GALNT14: variants seen among roughly 807,000 people sequenced by gnomAD.
The protein encoded by GALNT14 is UDP-GalNAc:polypeptide N-acetylgalactosaminyltransferase 14.
Under a neutral mutation model 77.5 loss-of-function variants are expected in GALNT14, and 60 were observed. That is an observed-to-expected ratio of 0.77 (90% CI 0.63 to 0.96). The LOEUF (loss-of-function observed/expected upper bound fraction) is 0.96, where lower values mean the gene tolerates loss of function less well. Ranked by LOEUF, GALNT14 falls within the 40% of genes least tolerant of loss-of-function variation. The probability of loss-of-function intolerance (pLI) is 0.00; values close to 1 mark genes in which losing one functional copy is unlikely to be tolerated. For missense variants in GALNT14, 710 were observed against 731.0 expected, an observed-to-expected ratio of 0.97 and a Z score of 0.33; for synonymous variants, 280 against 281.7, an observed-to-expected ratio of 0.99 and a Z score of 0.06.
chr2:31,087,297 T>A (rs778371563), intron 1 of GALNT14, among the ~76,000 whole-genome samples: 4 of 152,148 alleles, frequency 2.6e-5, no homozygotes, highest in Non-Finnish European at 5.9e-5. Context: ...GTATTAAGTT[T>A]AGGAGTATGC....
intron 1 of GALNT14, among the ~76,000 whole-genome samples, chr2:31,031,576 C>T (rs535519809): frequency 1.2e-4 from 18 of 152,264 alleles, no homozygotes; most frequent in African/African-American, 4.3e-4. Context: ...CTTTGCTCAC[C>T]ACTTCCTCTC....
Position 30,977,587 on chromosome 2 carries a change from G to T in GALNT14, c.300-11285C>A, listed in dbSNP as rs115007640. ...CATTCCCTCCTTTCACCTGAAAGGG[G>T]AAAGTTCCTCCAATTGCAACAGCTA... On this transcript the variant is annotated intron_variant, in intron 2 of 14. Transcript: ENST00000349752. 3.9e-3 allele frequency among the ~76,000 whole-genome samples: 597 copies of T among 152,242 alleles called. 3 individuals are homozygous for T. Among genetic ancestry groups the T allele is most frequent in the Admixed American group, 0.011 (162 of 15,294 alleles).
At chr2:30,965,048 C>A (rs551485697) in intron 3 of GALNT14, among the ~76,000 whole-genome samples, 2 of 151,994 alleles carry the variant, frequency 1.3e-5, no homozygotes, top group Non-Finnish European at 2.9e-5. Context: ...TCTAATGAGC[C>A]GCGTTTCATG....
At chr2:31,001,540 A>T (rs1184639921) in intron 1 of GALNT14, among the ~76,000 whole-genome samples, 1 of 152,204 alleles carries the variant, frequency 6.6e-6, no homozygotes. Context: ...CTCCCAGAAG[A>T]AGCAAATGTA....
intron 11 of GALNT14, among the ~76,000 whole-genome samples, chr2:30,928,195 G>A (rs1393760465): frequency 6.6e-6 from 1 of 152,096 alleles, no homozygotes; most frequent in African/African-American, 2.4e-5. Flanking sequence ...AAATCATTTT[G>A]GTGGGTTCTG....
intron 1 of GALNT14, among the ~76,000 whole-genome samples, chr2:31,076,604 T>G (rs1177979944): frequency 1.4e-5 from 2 of 143,966 alleles, no homozygotes; most frequent in Non-Finnish European, 3.0e-5. Flanking sequence ...TAGATAGGGG[T>G]GTGTATACAT....
At chr2:31,102,335 C>T (rs929292407) in intron 1 of GALNT14, among the ~76,000 whole-genome samples, 1 of 152,006 alleles carries the variant, frequency 6.6e-6, no homozygotes, top group Non-Finnish European at 1.5e-5. Context: ...AACATTTGTT[C>T]TGCTATTGAG....
At chr2:31,114,859 G>A (rs981728099) in intron 1 of GALNT14, 1 of 715,754 alleles carries the variant, frequency 1.4e-6, no homozygotes, top group Non-Finnish European at 2.6e-6. Context: ...AAAATGTCAT[G>A]AGCTCCAAAC....
At chr2:30,895,405 G>A in the GALNT14 span, among the ~76,000 whole-genome samples, 6 of 152,112 alleles carry the variant, frequency 3.9e-5, no homozygotes, top group Admixed American at 1.3e-4. Flanking sequence ...GGGTGCTATG[G>A]GGACACAAAG....
chr2:31,116,572 T>C (rs990721102), intron 1 of GALNT14, among the ~76,000 whole-genome samples: 15 of 152,120 alleles, frequency 9.9e-5, no homozygotes, highest in Non-Finnish European at 1.8e-4. Context: ...TAAAATATTA[T>C]AAAGCCAAAA....
intron 9 of GALNT14, among the ~76,000 whole-genome samples, chr2:30,932,398 G>C (rs1310844125): frequency 2.6e-5 from 4 of 152,208 alleles, no homozygotes; most frequent in South Asian, 2.1e-4. Flanking sequence ...TGGTATAAGT[G>C]AGCAGGGAAA....
At chr2:30,993,203 T>C (rs1279294964) in intron 1 of GALNT14, among the ~76,000 whole-genome samples, 196 bp from the exon 2 acceptor site, 6 of 152,194 alleles carry the variant, frequency 3.9e-5, no homozygotes, top group Non-Finnish European at 8.8e-5. Context: ...GCTGCCACCA[T>C]TTTCTGAGCA....
At chr2:31,128,647 G>A (rs1678817461) in intron 1 of GALNT14, among the ~76,000 whole-genome samples, 1 of 152,122 alleles carries the variant, frequency 6.6e-6, no homozygotes, top group African/African-American at 2.4e-5. Flanking sequence ...CCAGGAGGGA[G>A]GTAGTAGCAG....
At chr2:30,964,504 G>T (rs1445780830) in intron 3 of GALNT14, among the ~76,000 whole-genome samples, 1 of 152,170 alleles carries the variant, frequency 6.6e-6, no homozygotes, top group Admixed American at 6.5e-5. Flanking sequence ...CGAGACTCCC[G>T]GTGACACCTG....
intron 4 of GALNT14, among the ~76,000 whole-genome samples, chr2:30,957,287 CTG>C (rs1340377563): frequency 6.6e-6 from 1 of 152,146 alleles, no homozygotes; most frequent in African/African-American, 2.4e-5. Context: ...AACAAGGAAA[CTG>C]ACATGCACCA....
At chr2:31,089,679 T>C (rs1251774782) in intron 1 of GALNT14, among the ~76,000 whole-genome samples, 1 of 152,208 alleles carries the variant, frequency 6.6e-6, no homozygotes, top group African/African-American at 2.4e-5. Flanking sequence ...AGATGTTCTT[T>C]AATGCCATTG....
At chr2:31,042,309 G>A (rs922635405) in intron 1 of GALNT14, among the ~76,000 whole-genome samples, 9 of 152,128 alleles carry the variant, frequency 5.9e-5, no homozygotes, top group African/African-American at 2.2e-4. Flanking sequence ...GTTAAGTAAA[G>A]CATATCTATG....
At chr2:31,075,026 T>C (rs561897876) in intron 1 of GALNT14, among the ~76,000 whole-genome samples, 1 of 152,234 alleles carries the variant, frequency 6.6e-6, no homozygotes, top group South Asian at 2.1e-4. Context: ...TGGTGGGAGG[T>C]GTTCAGGTCC....
chr2:31,108,210 T>C (rs1328010031), intron 1 of GALNT14, among the ~76,000 whole-genome samples: 1 of 152,156 alleles, frequency 6.6e-6, no homozygotes, highest in Non-Finnish European at 1.5e-5. Flanking sequence ...AGTTTCAGGC[T>C]ACAGATGGAC....
Sources: gnomAD v4.1 joint callset for allele counts (sites outside exome capture counted in the v4.1 genomes callset) on GRCh38, gnomAD v4.1.1 for gene constraint, MANE v1.5 for transcripts, NCBI Gene and HGNC (gene_info 2026-07-23, HGNC 2026-07-21) for gene names.